The following SPAG16 variants were observed in gnomAD, a reference collection of about 807,000 sequenced individuals.
SPAG16 encodes sperm associated antigen 16, also known as sperm-associated antigen 16 protein.
A neutral mutation model predicts 80.4 loss-of-function variants in SPAG16; 86 were observed. The observed-to-expected ratio is 1.07, with a 90% confidence interval of 0.90 to 1.28. The LOEUF is 1.28. Among genes scored for constraint, SPAG16 ranks in the 50% most tolerant of loss-of-function variants. SPAG16 has a pLI of 0.00. For missense variants in SPAG16, 870 were observed against 765.3 expected (o/e 1.14, Z -1.61); for synonymous variants, 294 against 265.9 (o/e 1.11, Z -1.03).
intron 10 of SPAG16, among the ~76,000 whole-genome samples, chr2:213,618,051 T>C (rs1376125582): frequency 1.3e-5 from 2 of 152,198 alleles, no homozygotes; most frequent in Non-Finnish European, 2.9e-5. Flanking sequence ...ATAACTTGTT[T>C]TGTGAAAACG....
rs571006828 is a variant in SPAG16 at position 213,727,052 on chromosome 2, ATAT to A, written c.1071-135429_1071-135427del. ...TTATAGTTGTTTTGATAATAATCTA[ATAT>A]TATCAAATCACGATCCCCAACTTCT... On this transcript the variant is annotated intron_variant, in intron 10 of 15. Transcript: ENST00000331683. 1.9e-3 allele frequency among the ~76,000 whole-genome samples: 287 copies of A among 152,354 alleles called. 2 individuals carry two copies. Among genetic ancestry groups the A allele is most frequent in the African/African-American group, 6.6e-3 (276 of 41,578 alleles).
At chr2:214,020,510 T>C (rs945274051) in intron 13 of SPAG16, among the ~76,000 whole-genome samples, 13 of 152,138 alleles carry the variant, frequency 8.5e-5, no homozygotes, top group African/African-American at 3.1e-4. Context: ...TGACTCAATA[T>C]GCTTATATTT....
chr2:213,538,529 T>G (rs757768941), intron 10 of SPAG16, among the ~76,000 whole-genome samples: 6 of 152,176 alleles, frequency 3.9e-5, no homozygotes, highest in Non-Finnish European at 5.9e-5. Context: ...ACTGATTCAG[T>G]TAACCTAGAG....
intron 9 of SPAG16, among the ~76,000 whole-genome samples, chr2:213,419,104 T>A (rs183088227): frequency 1.2e-3 from 156 of 134,146 alleles, no homozygotes; most frequent in African/African-American, 4.2e-3. Flanking sequence ...GATCAATGAA[T>A]CCTCTACTCT....
At chr2:214,143,022 T>G (rs530084859) in intron 14 of SPAG16, among the ~76,000 whole-genome samples, 1 of 152,272 alleles carries the variant, frequency 6.6e-6, no homozygotes, top group African/African-American at 2.4e-5. Flanking sequence ...GTCCTCAAAC[T>G]CTTCAAGGCC....
intron 13 of SPAG16, among the ~76,000 whole-genome samples, chr2:214,062,418 CAAAAAAAA>C (rs56693089): frequency 5.4e-5 from 3 of 55,372 alleles, no homozygotes; most frequent in East Asian, 1.1e-3. Context: ...GACTCTGACT[CAAAAAAAA>C]AAAAAAAAAA....
chr2:213,804,733 G>C (rs1345499436), intron 10 of SPAG16, among the ~76,000 whole-genome samples: 1 of 146,766 alleles, frequency 6.8e-6, no homozygotes, highest in African/African-American at 2.6e-5. Context: ...AACTAACTAA[G>C]ATTACGAGAC....
intron 13 of SPAG16, among the ~76,000 whole-genome samples, chr2:214,058,008 G>A (rs546123056): frequency 6.6e-6 from 1 of 151,978 alleles, no homozygotes; most frequent in South Asian, 2.1e-4. Flanking sequence ...TAAAAAAAAT[G>A]TTGTGGCTGG....
chr2:213,597,964 T>C (rs1202588482), intron 10 of SPAG16, among the ~76,000 whole-genome samples: 2 of 152,176 alleles, frequency 1.3e-5, no homozygotes, highest in African/African-American at 2.4e-5. Flanking sequence ...TTTAAAAGTC[T>C]GAAACATTTA....
chr2:213,438,318 G>A (rs1423664208), intron 9 of SPAG16, among the ~76,000 whole-genome samples: 1 of 152,154 alleles, frequency 6.6e-6, no homozygotes, highest in Non-Finnish European at 1.5e-5. Flanking sequence ...GACAACAATG[G>A]CCAGGAGTGG....
intron 11 of SPAG16, among the ~76,000 whole-genome samples, chr2:213,880,543 T>C (rs1416801470): frequency 1.3e-5 from 2 of 152,230 alleles, no homozygotes; most frequent in Non-Finnish European, 2.9e-5. Context: ...CCAAAAATTA[T>C]TTGCCAAAGC....
chr2:213,793,116 C>T (rs755316475), intron 10 of SPAG16, among the ~76,000 whole-genome samples: 2 of 151,920 alleles, frequency 1.3e-5, no homozygotes, highest in Non-Finnish European at 2.9e-5. Flanking sequence ...TTAGTACAGA[C>T]GGGGTTTCAC....
At chr2:214,185,959 A>G (rs72944017) in intron 15 of SPAG16, among the ~76,000 whole-genome samples, 10,980 of 152,118 alleles carry the variant, frequency 0.072, 735 homozygotes, top group East Asian at 0.24. Context: ...CCCCCACTAT[A>G]ATGTAAGTTC....
At chr2:214,040,615 A>G (rs913360706) in intron 13 of SPAG16, among the ~76,000 whole-genome samples, 19 of 152,166 alleles carry the variant, frequency 1.2e-4, no homozygotes, top group Non-Finnish European at 2.4e-4. Flanking sequence ...CCTGCAGAGG[A>G]CATGATCTCA....
chr2:213,407,940 CAG>C (rs1428754064), intron 9 of SPAG16, among the ~76,000 whole-genome samples: 4 of 75,232 alleles, frequency 5.3e-5, no homozygotes, highest in Admixed American at 1.9e-4. Flanking sequence ...AGGAGAGAGG[CAG>C]AGAGAGACAG....
intron 15 of SPAG16, among the ~76,000 whole-genome samples, chr2:214,287,471 G>T (rs968472109): frequency 3.3e-5 from 5 of 152,154 alleles, no homozygotes; most frequent in African/African-American, 1.2e-4. Context: ...CTCTTTAAAA[G>T]GAGTCAGTCC....
chr2:213,449,389 G>T (rs1008396926), intron 9 of SPAG16, among the ~76,000 whole-genome samples: 2 of 152,090 alleles, frequency 1.3e-5, no homozygotes, highest in Non-Finnish European at 2.9e-5. Context: ...TGGTAGTTCT[G>T]CTTTTTGCTC....
chr2:213,809,642 G>A (rs1385149769), intron 10 of SPAG16, among the ~76,000 whole-genome samples: 1 of 152,196 alleles, frequency 6.6e-6, no homozygotes, highest in Non-Finnish European at 1.5e-5. Context: ...GGGAGAGGTT[G>A]TGTGGGAATA....
At chr2:214,360,478 A>G (rs1245993559) in intron 15 of SPAG16, among the ~76,000 whole-genome samples, 2 of 151,880 alleles carry the variant, frequency 1.3e-5, no homozygotes, top group Non-Finnish European at 2.9e-5. Context: ...AAATTTTCAC[A>G]GAAACAAAAT....
Sources: allele counts gnomAD v4.1 joint callset (sites outside exome capture counted in the v4.1 genomes callset), GRCh38; gene constraint gnomAD v4.1.1; transcripts MANE v1.5; gene names NCBI Gene and HGNC (gene_info 2026-07-23, HGNC 2026-07-21).